CRB1: variants seen among roughly 807,000 people sequenced by gnomAD.
The protein encoded by CRB1 is crumbs cell polarity complex component 1.
CRB1 carries 83 observed loss-of-function variants against 120.0 expected under a neutral mutation model. That is an observed-to-expected ratio of 0.69 (90% CI 0.58 to 0.83). The LOEUF is 0.83. Among genes scored for constraint, CRB1 ranks in the 40% least tolerant of loss-of-function variants. The pLI is 0.00. For synonymous variants in CRB1, 625 were observed against 612.5 expected, an observed-to-expected ratio of 1.02 and a Z score of -0.30; for missense variants, 1,699 against 1,687.6, an observed-to-expected ratio of 1.01 and a Z score of -0.12.
chr1:197,320,933 C>G lies in CRB1; in HGVS notation c.71-7489C>G, dbSNP rs181974279. Among the ~76,000 whole-genome samples the G allele has an allele frequency of 2.3e-3, 346 of 152,274 alleles. 3 individuals are homozygous for G. The highest frequency in any genetic ancestry group is 8.0e-3 in the African/African-American group (332 of 41,550). ...TTTTATTCTTTTCTATTCAGTTAAG[C>G]TGCCAATTCAAAACATCAGATATTC... On this transcript the variant is annotated intron_variant, in intron 1 of 11. Coordinates refer to ENST00000367400, the MANE Select transcript of CRB1 (RefSeq NM_201253.3).
intron 9 of CRB1, among the ~76,000 whole-genome samples, 185 bp downstream of exon 9, chr1:197,435,797 G>T (rs1482048355): frequency 6.6e-6 from 1 of 152,058 alleles, no homozygotes; most frequent in Non-Finnish European, 1.5e-5. Flanking sequence ...ATATTCTACA[G>T]GTCAGAAAGG....
intron 8 of CRB1, among the ~76,000 whole-genome samples, chr1:197,431,962 A>T (rs867932055): frequency 6.6e-6 from 1 of 152,156 alleles, no homozygotes; most frequent in Non-Finnish European, 1.5e-5. Flanking sequence ...TATTGAAAAG[A>T]TTAAGTCTAA....
the CRB1 span, among the ~76,000 whole-genome samples, chr1:197,228,771 G>A: frequency 6.6e-6 from 1 of 152,094 alleles, no homozygotes; most frequent in Non-Finnish European, 1.5e-5. Context: ...TGCTTATAAA[G>A]ACATACCCTA....
the CRB1 span, among the ~76,000 whole-genome samples, chr1:197,203,974 G>A: frequency 6.6e-6 from 1 of 151,892 alleles, no homozygotes; most frequent in South Asian, 2.1e-4. Flanking sequence ...AATCCCCAGA[G>A]TCCATTGTAT....
rs1764621 is a variant in CRB1, at chr1:197,290,868, G to C, written c.70+22386G>C. On this transcript the variant is annotated intron_variant, in intron 1 of 11. Coordinates refer to ENST00000367400, the MANE Select transcript of CRB1 (RefSeq NM_201253.3). ...CATGCTTTTGCAGGACAATTTCCAT[G>C]CTTTTGCAGGAAATTGTGTTTCTTG... Among the ~76,000 whole-genome samples the C allele has an allele frequency of 6.4e-3, 973 of 151,812 alleles. 9 individuals carry two copies. Among genetic ancestry groups the C allele is most frequent in the African/African-American group, 0.022 (909 of 41,456 alleles).
At chr1:197,337,598 TA>T (rs1449409794) in intron 2 of CRB1, among the ~76,000 whole-genome samples, 2 of 152,202 alleles carry the variant, frequency 1.3e-5, no homozygotes, top group Admixed American at 1.3e-4. Context: ...TTCTGTCTCT[TA>T]AAACATTGCT....
chr1:197,440,477 T>C (rs1428769051), intron 10 of CRB1: 1 of 152,254 alleles, frequency 6.6e-6, no homozygotes, highest in East Asian at 1.9e-4. Flanking sequence ...CAGTAGATTC[T>C]ATGCTTTCAA....
chr1:197,212,688 A>G, the CRB1 span, among the ~76,000 whole-genome samples: 2 of 152,192 alleles, frequency 1.3e-5, no homozygotes, highest in African/African-American at 2.4e-5. Flanking sequence ...TGGTTTCATC[A>G]GGGTGTACAT....
At chr1:197,365,649 A>T (rs1661031836) in intron 5 of CRB1, among the ~76,000 whole-genome samples, 4 of 86,188 alleles carry the variant, frequency 4.6e-5, no homozygotes, top group African/African-American at 9.9e-5. Context: ...TTTTATCAGT[A>T]GGGCTTTGTT....
At chr1:197,293,745 C>T (rs1357477958) in intron 1 of CRB1, among the ~76,000 whole-genome samples, 1 of 152,078 alleles carries the variant, frequency 6.6e-6, no homozygotes. Context: ...ACAGAGCCCT[C>T]AGAAATAATA....
chr1:197,206,575 T>C, the CRB1 span, among the ~76,000 whole-genome samples: 32 of 152,280 alleles, frequency 2.1e-4, no homozygotes, highest in African/African-American at 7.5e-4. Context: ...TTGGAGTTGA[T>C]TTCTAATTTT....
intron 1 of CRB1, among the ~76,000 whole-genome samples, chr1:197,287,558 G>T (rs571106): frequency 0.86 from 130,521 of 151,662 alleles, 56,652 homozygotes; most frequent in East Asian, 1. Flanking sequence ...GATCCCTGAT[G>T]GATCCCACAG....
intron 5 of CRB1, among the ~76,000 whole-genome samples, chr1:197,405,985 C>A (rs1347590153): frequency 6.6e-6 from 1 of 151,426 alleles, no homozygotes; most frequent in Non-Finnish European, 1.5e-5. Context: ...CCAGCCGCCC[C>A]GTCCGGGAGG....
the CRB1 span, chr1:197,222,755 C>G: frequency 1.9e-6 from 2 of 1,033,848 alleles, no homozygotes; most frequent in African/African-American, 1.6e-5. Flanking sequence ...TTGACTTGCT[C>G]TTTCTTTCTG....
chr1:197,373,537 A>G (rs540734227), intron 5 of CRB1, among the ~76,000 whole-genome samples: 1 of 152,290 alleles, frequency 6.6e-6, no homozygotes, highest in Admixed American at 6.5e-5. Flanking sequence ...TTTTCTACCC[A>G]TCCATCTTGA....
chr1:197,255,061 C>G, the CRB1 span, among the ~76,000 whole-genome samples: 2 of 152,020 alleles, frequency 1.3e-5, no homozygotes, highest in African/African-American at 2.4e-5. Flanking sequence ...GCTGAGGTCT[C>G]TCATGGTCAT....
intron 1 of CRB1, among the ~76,000 whole-genome samples, chr1:197,270,612 G>A (rs1399711868): frequency 6.6e-6 from 1 of 152,108 alleles, no homozygotes; most frequent in East Asian, 1.9e-4. Flanking sequence ...TAAACACTAT[G>A]AGCTTTATAA....
At chr1:197,323,028 C>T (rs528092820) in intron 1 of CRB1, among the ~76,000 whole-genome samples, 40 of 151,976 alleles carry the variant, frequency 2.6e-4, no homozygotes, top group Non-Finnish European at 5.0e-4. Flanking sequence ...TTAAATGAAA[C>T]ACAAGAATTA....
intron 5 of CRB1, among the ~76,000 whole-genome samples, chr1:197,370,325 G>A (rs920633078): frequency 3.9e-5 from 6 of 151,910 alleles, no homozygotes; most frequent in African/African-American, 1.5e-4. Context: ...TAAAACAAAT[G>A]GACTTAGCAG....
Sources: allele counts gnomAD v4.1 joint callset (sites outside exome capture counted in the v4.1 genomes callset), GRCh38; gene constraint gnomAD v4.1.1; transcripts MANE v1.5; gene names NCBI Gene and HGNC (gene_info 2026-07-23, HGNC 2026-07-21).